MRPL35: variants seen among roughly 807,000 people sequenced by gnomAD.
MRPL35 encodes the protein mitochondrial ribosomal protein L35.
In MRPL35, 18 loss-of-function variants were observed where a neutral mutation model predicts 21.6. That is an observed-to-expected ratio of 0.83 (90% CI 0.58 to 1.24). MRPL35 has a LOEUF of 1.24. MRPL35 is among the 50% of genes most tolerant of loss of function. The probability of loss-of-function intolerance (pLI) is 0.00; values close to 1 mark genes in which losing one functional copy is unlikely to be tolerated. For missense variants in MRPL35, 223 were observed against 223.2 expected (o/e 1.00, Z 0.01); for synonymous variants, 87 against 86.9 (o/e 1.00, Z -0.01).
At chr2:86,201,801 C>A (rs572965416) in intron 1 of MRPL35, among the ~76,000 whole-genome samples, 9 of 152,330 alleles carry the variant, frequency 5.9e-5, no homozygotes, top group Non-Finnish European at 1.2e-4. Context: ...TCGATACTGT[C>A]ACAGTCTCCT....
At chr2:86,200,423 C>T (rs1488075909) in intron 1 of MRPL35, among the ~76,000 whole-genome samples, 1 of 152,146 alleles carries the variant, frequency 6.6e-6, no homozygotes, top group Non-Finnish European at 1.5e-5. Context: ...GAAGCCTCCT[C>T]TCCCCTATGT....
Position 86,206,232 on chromosome 2 carries a change from C to G in MRPL35, c.170C>G (p.Thr57Ser), listed in dbSNP as rs1673786960. Residue 57 changes from threonine (T) to serine (S), a missense_variant, in exon 2 of 4, where the codon ACT becomes AGT. By Grantham distance (58) the Thr-to-Ser change is moderately conservative. Coordinates refer to ENST00000337109, the MANE Select transcript of MRPL35 (RefSeq NM_016622.4). Reference protein sequence around the residue: ...SHIQTPVVSSTPRLTTSERNL... With the variant: ...SHIQTPVVSSSPRLTTSERNL... ...ATTCAGACACCAGTTGTTTCCTCCA[C>G]TCCCAGACTTACCACATCTGAGAGA... 6.2e-7 allele frequency: 1 copy of G among 1,613,664 alleles called. No homozygotes were observed. Among genetic ancestry groups the G allele is most frequent in the South Asian group, 1.1e-5 (1 of 91,076 alleles).
chr2:86,204,650 A>G (rs570773397), intron 1 of MRPL35, among the ~76,000 whole-genome samples: 1 of 152,174 alleles, frequency 6.6e-6, no homozygotes, highest in East Asian at 1.9e-4. Context: ...CTGCATCCGG[A>G]CCACACATCT....
chr2:86,213,636 C>T lies in MRPL35; in HGVS notation c.*2968C>T. ...TGTTGTCACCTGCACAGGCACTCCCCCATTTGCAGATGAAGAAATGTTCAG... is the reference window on the plus strand; with the variant it reads ...TGTTGTCACCTGCACAGGCACTCCCTCATTTGCAGATGAAGAAATGTTCAG... On this transcript the variant is annotated 3_prime_UTR_variant, in exon 4 of 4. Coordinates refer to ENST00000337109, the MANE Select transcript of MRPL35 (RefSeq NM_016622.4). 1 of 1,550,450 alleles carries T rather than the reference C, an allele frequency of 6.4e-7. No individual in the cohort carries two copies. Among genetic ancestry groups the T allele is most frequent in the Non-Finnish European group, 8.7e-7 (1 of 1,146,912 alleles).
intron 1 of MRPL35, among the ~76,000 whole-genome samples, chr2:86,202,378 C>T (rs757429670): frequency 6.6e-6 from 1 of 152,168 alleles, no homozygotes; most frequent in African/African-American, 2.4e-5. Flanking sequence ...TCCCAGCTTG[C>T]TTTTTGGGAA....
chr2:86,213,596 G>A lies in MRPL35; in HGVS notation c.*2928G>A, dbSNP rs1261973977. 9.7e-6 allele frequency: 15 copies of A among 1,549,528 alleles called. No homozygotes were observed. The highest frequency in any genetic ancestry group is 2.0e-5 in the Admixed American group (1 of 50,896). On this transcript the variant is annotated 3_prime_UTR_variant, in exon 4 of 4. Transcript: ENST00000337109. ...TAAGGGCTGCAGCAGGTTTAAGGGT[G>A]GCCCTTCACCACCCTGTTGTCACCT...
rs1318528080 is a variant in MRPL35, at chr2:86,211,703, T to C, written c.*1035T>C. ...TTTTCTAGAGACAGGAGTTTTGCTC[T>C]GTTGCCCAGGCTGGAGTGCAGTGGT... is the stretch of plus-strand genomic sequence containing the variant. On this transcript the variant is annotated 3_prime_UTR_variant, in exon 4 of 4. Coordinates refer to ENST00000337109, the MANE Select transcript of MRPL35 (RefSeq NM_016622.4). 1.0e-6 allele frequency: 1 copy of C among 984,984 alleles called. No individual in the cohort carries two copies. Among genetic ancestry groups the C allele is most frequent in the Non-Finnish European group, 1.2e-6 (1 of 829,620 alleles). The allele number at this position is 984,984 out of a possible 1,614,324, so 61.0% of individuals were successfully genotyped here.
At chr2:86,205,698 G>A (rs940006333) in intron 1 of MRPL35, among the ~76,000 whole-genome samples, 11 of 152,070 alleles carry the variant, frequency 7.2e-5, no homozygotes, top group Non-Finnish European at 1.0e-4. Context: ...TCTTTCTGTC[G>A]CCACTCTTGT....
rs934194723 is a variant in MRPL35 at position 86,210,862 on chromosome 2, A to G, written c.*194A>G. ...GCCAGATTTGGTTAGGGAAACAGAA[A>G]TTTAGAATGGTGCATTATTTTTAAC... On this transcript the variant is annotated 3_prime_UTR_variant, in exon 4 of 4. Coordinates refer to ENST00000337109, the MANE Select transcript of MRPL35 (RefSeq NM_016622.4). 7.9e-7 allele frequency: 1 copy of G among 1,268,228 alleles called. No individual in the cohort carries two copies. Among genetic ancestry groups the G allele is most frequent in the East Asian group, 3.0e-5 (1 of 33,554 alleles). The allele number at this position is 1,268,228 out of a possible 1,614,324, so 78.6% of individuals were successfully genotyped here.
Position 86,212,458 on chromosome 2 carries a change from A to G in MRPL35, c.*1790A>G. The G allele has an allele frequency of 6.2e-7, 1 of 1,613,650 alleles. No individual in the cohort carries two copies. The highest frequency in any genetic ancestry group is 1.1e-5 in the South Asian group (1 of 90,988). On this transcript the variant is annotated 3_prime_UTR_variant, in exon 4 of 4. Coordinates refer to ENST00000337109, the MANE Select transcript of MRPL35 (RefSeq NM_016622.4). ...AGCCAACCACTTAGAAGCCTTCCACATCTTTGTCACCTGCCTGGCTCCTGC... is the reference window on the plus strand; with the variant it reads ...AGCCAACCACTTAGAAGCCTTCCACGTCTTTGTCACCTGCCTGGCTCCTGC...
rs370010378 is a variant in MRPL35 at position 86,212,505 on chromosome 2, G to A, written c.*1837G>A. On this transcript the variant is annotated 3_prime_UTR_variant, in exon 4 of 4. Coordinates refer to ENST00000337109, the MANE Select transcript of MRPL35 (RefSeq NM_016622.4). ...CTGCTCTCTGATGTACCTCTGGGTAGTGAGATGGAAATGGTGCCTGCAGAA... is the reference window on the plus strand; with the variant it reads ...CTGCTCTCTGATGTACCTCTGGGTAATGAGATGGAAATGGTGCCTGCAGAA... 752 of 1,607,236 alleles carry A rather than the reference G, an allele frequency of 4.7e-4. 2 individuals carry two copies. In the African/African-American group the frequency reaches 6.7e-3, roughly 14 times the overall value.
Position 86,211,838 on chromosome 2 carries a change from T to C in MRPL35, c.*1170T>C, listed in dbSNP as rs1319655987. On this transcript the variant is annotated 3_prime_UTR_variant, in exon 4 of 4. Coordinates refer to ENST00000337109, the MANE Select transcript of MRPL35 (RefSeq NM_016622.4). The stretch of plus-strand genomic sequence containing the variant: ...TAAAAGTTAGTTTATCCACTTCAGA[T>C]TTCATGTTTTCATTTGTAAGGATAA... The C allele has an allele frequency of 1.0e-6, 1 of 985,542 alleles. No individual in the cohort carries two copies. 61.0% of individuals were successfully genotyped at this position (985,542 alleles called of 1,614,324 possible).
chr2:86,203,053 C>T (rs1673720848), intron 1 of MRPL35, among the ~76,000 whole-genome samples: 1 of 151,420 alleles, frequency 6.6e-6, no homozygotes, highest in South Asian at 2.1e-4. Flanking sequence ...TTTTTGAGTA[C>T]CAACATGACA....
At chr2:86,206,391 G>C (rs2103911492) in intron 2 of MRPL35, 96 bp downstream of exon 2, 1 of 1,203,692 alleles carries the variant, frequency 8.3e-7, no homozygotes, top group Non-Finnish European at 1.2e-6. Context: ...AGAGTGCAGT[G>C]GTGCATTCTC....
chr2:86,199,590 G>A lies in MRPL35; in HGVS notation c.43+57G>A, dbSNP rs1673644997. ...CTTCACAGAAGGGGAAACTGGTGCG[G>A]GATGGAATGGGCGTTTAGACTGGAG... On this transcript the variant is annotated intron_variant, in intron 1 of 3. Transcript: ENST00000337109. 9 of 1,599,088 alleles carry A rather than the reference G, an allele frequency of 5.6e-6. No homozygotes were observed. The East Asian group carries it at 2.0e-4, about 36-fold the overall frequency.
chr2:86,202,675 C>G (rs1025071785), intron 1 of MRPL35, among the ~76,000 whole-genome samples: 6 of 152,126 alleles, frequency 3.9e-5, no homozygotes, highest in Non-Finnish European at 8.8e-5. Flanking sequence ...GTTTATGCTA[C>G]CCTTTTCAGT....
In MRPL35 at chr2:86,211,547, T is replaced by G; in HGVS notation, c.*879T>G. 1.0e-6 allele frequency: 1 copy of G among 985,482 alleles called. No homozygotes were observed. The highest frequency in any genetic ancestry group is 1.2e-6 in the Non-Finnish European group (1 of 829,940). 61.0% of individuals were successfully genotyped at this position (985,482 alleles called of 1,614,324 possible). On this transcript the variant is annotated 3_prime_UTR_variant, in exon 4 of 4. Coordinates refer to ENST00000337109, the MANE Select transcript of MRPL35 (RefSeq NM_016622.4). ...AGGTTCATTGTGTTCATAACACTTG[T>G]CATTTACTGTAACAACATTTTTTCA... is the stretch of plus-strand genomic sequence containing the variant.
chr2:86,212,900 A>G lies in MRPL35; in HGVS notation c.*2232A>G, dbSNP rs916316831. ...ATATTTATGTATAGTTTGTTTATTC[A>G]GGTATATGTATAATTTATTGAACAC... On this transcript the variant is annotated 3_prime_UTR_variant, in exon 4 of 4. Coordinates refer to ENST00000337109, the MANE Select transcript of MRPL35 (RefSeq NM_016622.4). The G allele has an allele frequency of 1.4e-4, 117 of 824,240 alleles. No homozygotes were observed. Among genetic ancestry groups the G allele is most frequent in the Non-Finnish European group, 1.1e-4 (74 of 683,040 alleles). The allele number at this position is 824,240 out of a possible 1,614,324, so 51.1% of individuals were successfully genotyped here. A position where few individuals can be genotyped will look rare whatever the true frequency, so the allele number is the denominator to read the frequency against.
At chr2:86,206,394 G>T in intron 2 of MRPL35, 99 bp downstream of exon 2, 4 of 1,134,634 alleles carry the variant, frequency 3.5e-6, no homozygotes, top group East Asian at 2.4e-5. Flanking sequence ...GTGCAGTGGT[G>T]CATTCTCAGC....
Sources: gnomAD v4.1 joint callset for allele counts (sites outside exome capture counted in the v4.1 genomes callset) on GRCh38, gnomAD v4.1.1 for gene constraint, MANE v1.5 for transcripts, NCBI Gene and HGNC (gene_info 2026-07-23, HGNC 2026-07-21) for gene names.